GFRA2: variants seen among roughly 807,000 people sequenced by gnomAD.
The protein encoded by GFRA2 is GDNF family receptor alpha-2.
A neutral mutation model predicts 48.3 loss-of-function variants in GFRA2; 17 were observed. That is an observed-to-expected ratio of 0.35 (90% CI 0.24 to 0.53). GFRA2 has a LOEUF of 0.53. GFRA2 is among the 20% of genes least tolerant of loss of function. The pLI is 0.93. For missense variants in GFRA2, 660 were observed against 637.3 expected (o/e 1.04, Z -0.38); for synonymous variants, 305 against 257.2 (o/e 1.19, Z -1.78).
chr8:21,706,078 G>C, intron 4 of GFRA2, 37 bp from the exon 5 acceptor site: 1 of 1,357,728 alleles, frequency 7.4e-7, no homozygotes, highest in Non-Finnish European at 1.0e-6. Flanking sequence ...AGAAAACAGG[G>C]GTTCAGTCTA....
chr8:21,811,489 A>T (rs538400493), intron 1 of GFRA2, among the ~76,000 whole-genome samples: 23 of 152,312 alleles, frequency 1.5e-4, no homozygotes, highest in Non-Finnish European at 2.6e-4. Flanking sequence ...ACAAGAAATC[A>T]AACTCATAGG....
intron 7 of GFRA2, among the ~76,000 whole-genome samples, chr8:21,702,107 G>T (rs1442801140): frequency 6.6e-6 from 1 of 152,218 alleles, no homozygotes; most frequent in Non-Finnish European, 1.5e-5. Context: ...GTTGTCTGCA[G>T]AGCAGGACCC....
chr8:21,803,551 T>C (rs1240496071), intron 2 of GFRA2, among the ~76,000 whole-genome samples: 2 of 152,176 alleles, frequency 1.3e-5, no homozygotes, highest in Non-Finnish European at 2.9e-5. Context: ...TGACTGGCAA[T>C]GGCAGAGAAC....
intron 4 of GFRA2, among the ~76,000 whole-genome samples, chr8:21,733,220 G>A (rs1237877537): frequency 3.3e-5 from 5 of 152,108 alleles, no homozygotes; most frequent in Non-Finnish European, 5.9e-5. Context: ...ACCTTCCTCC[G>A]GCTGCAGCCA....
At chr8:21,773,400 G>A (rs747672048) in intron 3 of GFRA2, among the ~76,000 whole-genome samples, 1 of 152,156 alleles carries the variant, frequency 6.6e-6, no homozygotes, top group Non-Finnish European at 1.5e-5. Context: ...CACCCAGATG[G>A]CCACCCACTG....
chr8:21,799,848 G>T (rs1807741478), intron 2 of GFRA2, among the ~76,000 whole-genome samples: 1 of 152,188 alleles, frequency 6.6e-6, no homozygotes, highest in Non-Finnish European at 1.5e-5. Flanking sequence ...TGTGTCCTCT[G>T]CAGACAAACC....
intron 7 of GFRA2, among the ~76,000 whole-genome samples, chr8:21,699,749 G>A (rs1802378894): frequency 6.6e-6 from 1 of 152,196 alleles, no homozygotes; most frequent in South Asian, 2.1e-4. Context: ...GAGAGCTGCG[G>A]GCACTGAAAC....
chr8:21,788,905 C>A, upstream of GFRA2: 1 of 579,514 alleles, frequency 1.7e-6, no homozygotes, highest in Non-Finnish European at 2.2e-6. Context: ...TCCCCCTTCT[C>A]CCACTCTCCC....
chr8:21,792,530 T>G (rs979822391), upstream of GFRA2, among the ~76,000 whole-genome samples: 5 of 152,186 alleles, frequency 3.3e-5, no homozygotes, highest in Non-Finnish European at 7.4e-5. Flanking sequence ...ACAGCAAGAC[T>G]GCCCCTCCCC....
intron 6 of GFRA2, among the ~76,000 whole-genome samples, chr8:21,704,319 GCAGACCCCCCGCC>G (rs760891793): frequency 1.3e-5 from 2 of 152,200 alleles, no homozygotes; most frequent in Non-Finnish European, 2.9e-5. Context: ...AGAACCCTGT[GCAGACCCCCCGCC>G]CAGAGCAGCT....
chr8:21,806,648 G>T (rs1282037003), intron 1 of GFRA2, among the ~76,000 whole-genome samples: 1 of 152,112 alleles, frequency 6.6e-6, no homozygotes, highest in African/African-American at 2.4e-5. Context: ...TTTAACTTTT[G>T]TAGAGATGGG....
At chr8:21,727,413 G>A (rs1803924323) in intron 4 of GFRA2, among the ~76,000 whole-genome samples, 1 of 152,148 alleles carries the variant, frequency 6.6e-6, no homozygotes. Context: ...CAGGCCTTGG[G>A]CCCTGTGTGA....
intron 1 of GFRA2, among the ~76,000 whole-genome samples, chr8:21,809,899 C>A (rs1453202319): frequency 6.6e-6 from 1 of 152,172 alleles, no homozygotes; most frequent in Admixed American, 6.5e-5. Flanking sequence ...ATCACCCACA[C>A]CCTCACCCAA....
At position 21,694,485 on chromosome 8, in the gene GFRA2, C is replaced by T; in HGVS notation, c.1251G>A (p.Glu417=). ...TCACCTCTGTGAAGCACATGCTTAA[C>T]TCTTTGGAGTTGTTGGCCTTCAGCC... ...EQGLKANNSK[E]LSMCFTELTT... The change falls in exon 8 of 9, where the codon GAG becomes GAA. Residue 417 remains glutamate, a synonymous_variant. Coordinates refer to ENST00000524240, the MANE Select transcript of GFRA2 (RefSeq NM_001495.5). 1.2e-6 allele frequency: 2 copies of T among 1,612,538 alleles called. No homozygotes were observed. The highest frequency in any genetic ancestry group is 1.7e-6 in the Non-Finnish European group (2 of 1,179,562).
chr8:21,746,155 T>G (rs1217825592), intron 4 of GFRA2, among the ~76,000 whole-genome samples: 8 of 151,720 alleles, frequency 5.3e-5, no homozygotes, highest in Non-Finnish European at 8.8e-5. Context: ...AAGTGAAGAG[T>G]AAAGGTAGGT....
chr8:21,807,549 C>A (rs999212544), intron 1 of GFRA2, among the ~76,000 whole-genome samples: 15 of 152,200 alleles, frequency 9.9e-5, no homozygotes, highest in African/African-American at 3.6e-4. Flanking sequence ...TATATTCTCA[C>A]AGTTCTGGAG....
intron 4 of GFRA2, among the ~76,000 whole-genome samples, chr8:21,735,434 T>C (rs1215089260): frequency 6.6e-6 from 1 of 151,486 alleles, no homozygotes; most frequent in African/African-American, 2.4e-5. Flanking sequence ...ACCACCTCTA[T>C]CCCAGTTCTC....
At chr8:21,773,352 T>C (rs1806528731) in intron 3 of GFRA2, among the ~76,000 whole-genome samples, 1 of 152,118 alleles carries the variant, frequency 6.6e-6, no homozygotes, top group Admixed American at 6.5e-5. Context: ...CTCCGCTCCA[T>C]TCACCACCAC....
chr8:21,694,590 A>G, intron 7 of GFRA2, 73 bp from the exon 8 acceptor site: 1 of 1,410,304 alleles, frequency 7.1e-7, no homozygotes, highest in Non-Finnish European at 9.8e-7. Context: ...AGAGACTTAG[A>G]TGAGGCCCCG....
Sources: allele counts gnomAD v4.1 joint callset (sites outside exome capture counted in the v4.1 genomes callset), GRCh38; gene constraint gnomAD v4.1.1; transcripts MANE v1.5; gene names NCBI Gene and HGNC (gene_info 2026-07-23, HGNC 2026-07-21).